The following NLRP5 variants were observed in gnomAD, a reference collection of about 807,000 sequenced individuals.
NLRP5 encodes NACHT, LRR and PYD domains-containing protein 5.
In NLRP5, 93 loss-of-function variants were observed where a neutral mutation model predicts 113.1. That is an observed-to-expected ratio of 0.82 (90% confidence interval 0.70 to 0.98). The LOEUF is 0.98. Among genes scored for constraint, NLRP5 ranks in the 50% least tolerant of loss-of-function variants. The pLI, the probability that NLRP5 is intolerant of heterozygous loss-of-function variation, is 0.00. For missense variants in NLRP5, 1,808 were observed against 1,514.3 expected (o/e 1.19, Z -3.22); for synonymous variants, 751 against 600.7 (o/e 1.25, Z -3.66).
At chr19:56,054,240 T>C (rs1008297032) in intron 13 of NLRP5, among the ~76,000 whole-genome samples, 2 of 151,952 alleles carry the variant, frequency 1.3e-5, no homozygotes, top group Non-Finnish European at 1.5e-5. Context: ...TCCAATATAG[T>C]GGACTATGGT....
At chr19:56,056,714 T>A (rs1256328571) in intron 13 of NLRP5, among the ~76,000 whole-genome samples, 3 of 152,234 alleles carry the variant, frequency 2.0e-5, no homozygotes, top group South Asian at 2.1e-4. Flanking sequence ...CCCTACTGGA[T>A]GTTTTGTCTT....
chr19:56,002,033 T>C (rs117632533), intron 1 of NLRP5, among the ~76,000 whole-genome samples: 2,174 of 152,310 alleles, frequency 0.014, 48 homozygotes, highest in East Asian at 0.065. Context: ...TAACAACTGC[T>C]ACATTTCAAT....
chr19:56,007,579 G>A (rs975482312), intron 2 of NLRP5, among the ~76,000 whole-genome samples: 4 of 151,002 alleles, frequency 2.6e-5, no homozygotes, highest in Non-Finnish European at 4.4e-5. Context: ...TGAGCAGGAG[G>A]TGAAGACGGA....
intron 1 of NLRP5, among the ~76,000 whole-genome samples, chr19:56,000,907 G>T (rs1981620329): frequency 6.6e-6 from 1 of 151,892 alleles, no homozygotes. Context: ...TTGGGAGGCT[G>T]AGGCAGGAGA....
intron 1 of NLRP5, among the ~76,000 whole-genome samples, chr19:56,001,768 G>T (rs927092604): frequency 1.3e-5 from 2 of 152,178 alleles, no homozygotes; most frequent in African/African-American, 4.8e-5. Context: ...TAAATGTACA[G>T]ATGTCAAGCA....
rs1365140335 is a variant in NLRP5 at position 56,028,256 on chromosome 19, C to T, written c.2023C>T (p.Gln675Ter). 2 of 1,613,792 alleles carry T rather than the reference C, an allele frequency of 1.2e-6. No homozygotes were observed. Among genetic ancestry groups the T allele is most frequent in the African/African-American group, 1.3e-5 (1 of 74,936 alleles). ...GCACTGGGTCTCTCTGTTGGGTCAG[C>T]AGCCTAATGCCACCACCCCAGGAGA... The change falls in exon 7 of 15, where the codon CAG (glutamine) becomes TAG (stop). Residue 675 changes from glutamine (Q) to a stop codon, truncating the protein, a stop_gained. Coordinates refer to ENST00000390649, the MANE Select transcript of NLRP5 (RefSeq NM_153447.4). LOFTEE classifies it high-confidence loss of function.
intron 12 of NLRP5, among the ~76,000 whole-genome samples, chr19:56,051,856 A>C (rs1196752197): frequency 1.3e-5 from 2 of 152,238 alleles, no homozygotes; most frequent in East Asian, 3.8e-4. Context: ...TTAATGGACC[A>C]CAAGTGGGGT....
chr19:55,998,280 C>T (rs1204120692), upstream of NLRP5, among the ~76,000 whole-genome samples: 4 of 151,992 alleles, frequency 2.6e-5, no homozygotes, highest in Non-Finnish European at 4.4e-5. Context: ...TCACTTGAGC[C>T]CAGGAGTTCA....
chr19:56,019,458 T>G, intron 5 of NLRP5, 60 bp downstream of exon 5: 1 of 1,528,396 alleles, frequency 6.5e-7, no homozygotes, highest in East Asian at 2.2e-5. Context: ...GTGAAAGAAG[T>G]GTAAGTAGTT....
chr19:56,019,738 T>C (rs1390193953), intron 5 of NLRP5, among the ~76,000 whole-genome samples: 63 of 150,902 alleles, frequency 4.2e-4, no homozygotes, highest in African/African-American at 1.4e-3. Context: ...GCAGTAATTA[T>C]TTTTGTAATT....
At chr19:55,999,671 T>G, upstream of NLRP5, 1 of 1,355,166 alleles carries the variant, frequency 7.4e-7, no homozygotes, top group South Asian at 1.2e-5. Flanking sequence ...GATTTCCAGC[T>G]TCCAGAGGAG....
chr19:55,990,358 G>C, the NLRP5 span, among the ~76,000 whole-genome samples: 1 of 151,532 alleles, frequency 6.6e-6, no homozygotes, highest in African/African-American at 2.4e-5. Context: ...CAAAGTGCTG[G>C]GATTACAAAA....
At chr19:56,055,576 T>G (rs574072297) in intron 13 of NLRP5, among the ~76,000 whole-genome samples, 3 of 135,310 alleles carry the variant, frequency 2.2e-5, no homozygotes, top group Admixed American at 1.5e-4. Flanking sequence ...GATAGAGTCT[T>G]GCTCTGTCCC....
chr19:56,015,370 A>G (rs903512244), intron 3 of NLRP5, among the ~76,000 whole-genome samples: 1 of 151,972 alleles, frequency 6.6e-6, no homozygotes, highest in African/African-American at 2.4e-5. Flanking sequence ...AATTTTTTGA[A>G]TTTTTAGTAG....
chr19:56,002,455 T>A (rs1981691138), intron 1 of NLRP5, among the ~76,000 whole-genome samples: 2 of 143,232 alleles, frequency 1.4e-5, no homozygotes, highest in South Asian at 4.4e-4. Context: ...TTGCCAGAGG[T>A]TTTTTTTTTT....
intron 6 of NLRP5, among the ~76,000 whole-genome samples, chr19:56,024,456 T>C (rs1226151516): frequency 1.4e-5 from 2 of 141,816 alleles, no homozygotes; most frequent in East Asian, 3.9e-4. Flanking sequence ...TATATATACG[T>C]ACATACATAT....
chr19:56,028,628 GC>G, intron 7 of NLRP5, 119 bp downstream of exon 7: 1 of 992,474 alleles, frequency 1.0e-6, no homozygotes, highest in Non-Finnish European at 1.5e-6. Flanking sequence ...AGGATGAATG[GC>G]CCAGATGACG....
At chr19:56,012,080 G>A (rs994153918) in intron 3 of NLRP5, among the ~76,000 whole-genome samples, 2 of 152,178 alleles carry the variant, frequency 1.3e-5, no homozygotes, top group African/African-American at 4.8e-5. Flanking sequence ...GTATTATGAT[G>A]CTCAAGACAT....
chr19:56,024,641 C>T (rs959833829), intron 6 of NLRP5, among the ~76,000 whole-genome samples: 1 of 150,974 alleles, frequency 6.6e-6, no homozygotes, highest in Admixed American at 6.6e-5. Context: ...ACCTGTAATC[C>T]CAGCTACTTG....
Sources: allele counts gnomAD v4.1 joint callset (sites outside exome capture counted in the v4.1 genomes callset), GRCh38; gene constraint gnomAD v4.1.1; transcripts MANE v1.5; gene names NCBI Gene and HGNC (gene_info 2026-07-23, HGNC 2026-07-21).